The following SELENOF variants were observed in gnomAD, a reference collection of about 807,000 sequenced individuals.
SELENOF encodes the protein selenoprotein F, also known as 15 kDa selenoprotein.
In SELENOF, 16 loss-of-function variants were observed where a neutral mutation model predicts 20.5. The ratio of observed to expected loss-of-function variants is 0.78; its 90% CI spans 0.53 to 1.19. The LOEUF is 1.19. SELENOF is among the 50% of genes most tolerant of loss of function. The probability of loss-of-function intolerance (pLI) is 0.00; values close to 1 mark genes in which losing one functional copy is unlikely to be tolerated. For missense variants in SELENOF, 215 were observed against 194.2 expected (o/e 1.11, Z -0.64); for synonymous variants, 78 against 74.5 (o/e 1.05, Z -0.24).
intron 2 of SELENOF, among the ~76,000 whole-genome samples, chr1:86,888,262 CAA>C (rs11454409): frequency 5.7e-5 from 5 of 87,348 alleles, no homozygotes. Context: ...GACTCCATCT[CAA>C]AAAAAAAAAA....
intron 2 of SELENOF, among the ~76,000 whole-genome samples, chr1:86,899,420 C>A (rs1200396687): frequency 1.7e-5 from 2 of 120,752 alleles, no homozygotes; most frequent in Admixed American, 7.4e-5. Context: ...GGGGGCCGAC[C>A]CCCCCCACCT....
chr1:86,900,203 T>A (rs1659654971), intron 2 of SELENOF, among the ~76,000 whole-genome samples: 1 of 151,886 alleles, frequency 6.6e-6, no homozygotes, highest in Non-Finnish European at 1.5e-5. Flanking sequence ...GGGCAGAGGC[T>A]GCACTCTGGG....
At chr1:86,898,595 T>G (rs1320742457) in intron 2 of SELENOF, among the ~76,000 whole-genome samples, 1 of 150,180 alleles carries the variant, frequency 6.7e-6, no homozygotes, top group African/African-American at 2.4e-5. Context: ...TTTTTTTTTT[T>G]TTTTGAGACA....
intron 2 of SELENOF, among the ~76,000 whole-genome samples, chr1:86,902,734 T>C (rs1443901055): frequency 6.6e-6 from 1 of 152,212 alleles, no homozygotes; most frequent in African/African-American, 2.4e-5. Context: ...TAAAACATAG[T>C]AGGTTTACCT....
intron 3 of SELENOF, 57 bp downstream of exon 3, chr1:86,880,605 C>A: frequency 1.1e-6 from 1 of 939,872 alleles, no homozygotes; most frequent in Non-Finnish European, 1.6e-6. Context: ...GAAAACGATT[C>A]ACATAAAATG....
At chr1:86,881,953 G>A (rs1199855695) in intron 2 of SELENOF, among the ~76,000 whole-genome samples, 1 of 152,010 alleles carries the variant, frequency 6.6e-6, no homozygotes, top group Admixed American at 6.6e-5. Context: ...GGTTAATTTG[G>A]CCAGGCATGG....
chr1:86,877,501 C>G (rs1439928947), intron 3 of SELENOF, among the ~76,000 whole-genome samples: 1 of 152,152 alleles, frequency 6.6e-6, no homozygotes, highest in African/African-American at 2.4e-5. Flanking sequence ...AATGACATAT[C>G]TTGGGGATAG....
At chr1:86,890,033 C>T (rs1659336667) in intron 2 of SELENOF, among the ~76,000 whole-genome samples, 1 of 152,160 alleles carries the variant, frequency 6.6e-6, no homozygotes, top group Non-Finnish European at 1.5e-5. Context: ...TCTTTATAAT[C>T]CTTTAATTTT....
intron 1 of SELENOF, among the ~76,000 whole-genome samples, chr1:86,913,086 A>T (rs1283294538): frequency 1.3e-5 from 2 of 152,228 alleles, no homozygotes. Context: ...TGGTTAAAGT[A>T]GCCAAAGCAA....
At chr1:86,868,896 TTATCTC>T in intron 3 of SELENOF, among the ~76,000 whole-genome samples, 1 of 151,864 alleles carries the variant, frequency 6.6e-6, no homozygotes, top group East Asian at 1.9e-4. Context: ...CTGAAGAAAA[TTATCTC>T]TAACATCTAA....
intron 4 of SELENOF, among the ~76,000 whole-genome samples, chr1:86,866,265 T>TGTGTGTGTGTGTG (rs1557451781): frequency 2.8e-5 from 4 of 141,354 alleles, no homozygotes; most frequent in South Asian, 2.3e-4. Context: ...TGTGTGTGTG[T>TGTGTGTGTGTGTG]AGTGGAATAC....
At chr1:86,875,432 G>T (rs1454373964) in intron 3 of SELENOF, among the ~76,000 whole-genome samples, 1 of 152,100 alleles carries the variant, frequency 6.6e-6, no homozygotes, top group Non-Finnish European at 1.5e-5. Flanking sequence ...AGGAAAAGAT[G>T]AGAACTTTTT....
chr1:86,898,571 TCTC>T (rs1659585403), intron 2 of SELENOF, among the ~76,000 whole-genome samples: 1 of 149,244 alleles, frequency 6.7e-6, no homozygotes, highest in African/African-American at 2.5e-5. Flanking sequence ...ACTCTGACTT[TCTC>T]TTCTTCTTTT....
intron 3 of SELENOF, among the ~76,000 whole-genome samples, chr1:86,872,656 T>A (rs977777959): frequency 2.6e-5 from 4 of 151,822 alleles, no homozygotes; most frequent in Non-Finnish European, 4.4e-5. Context: ...GCTGGGATTA[T>A]AGCCGTGAGC....
intron 3 of SELENOF, among the ~76,000 whole-genome samples, chr1:86,873,410 A>G (rs1658835726): frequency 6.6e-6 from 1 of 152,250 alleles, no homozygotes; most frequent in Non-Finnish European, 1.5e-5. Context: ...CAATTTTACC[A>G]TCATTAGAGT....
intron 4 of SELENOF, among the ~76,000 whole-genome samples, chr1:86,867,754 A>C (rs1658644640): frequency 6.7e-6 from 1 of 149,502 alleles, no homozygotes; most frequent in African/African-American, 2.5e-5. Flanking sequence ...CAATTGTAAC[A>C]AATGTACCAC....
At chr1:86,866,040 A>T (rs1037117026) in intron 4 of SELENOF, among the ~76,000 whole-genome samples, 4 of 151,640 alleles carry the variant, frequency 2.6e-5, no homozygotes, top group East Asian at 1.9e-4. Context: ...ATAAAAAAAT[A>T]AAAAAAATTA....
chr1:86,889,016 G>C (rs1391752169), intron 2 of SELENOF, among the ~76,000 whole-genome samples: 1 of 152,052 alleles, frequency 6.6e-6, no homozygotes, highest in Non-Finnish European at 1.5e-5. Context: ...TTAAATTGTG[G>C]TATCTCCCTA....
chr1:86,890,558 T>C (rs574653398), intron 2 of SELENOF, among the ~76,000 whole-genome samples: 2 of 152,232 alleles, frequency 1.3e-5, no homozygotes, highest in East Asian at 1.9e-4. Flanking sequence ...GGTGTGACCA[T>C]GGATCACTGT....
Sources: gnomAD v4.1 joint callset for allele counts (sites outside exome capture counted in the v4.1 genomes callset) on GRCh38, gnomAD v4.1.1 for gene constraint, MANE v1.5 for transcripts, NCBI Gene and HGNC (gene_info 2026-07-23, HGNC 2026-07-21) for gene names.